DNAH11: variants seen among roughly 807,000 people sequenced by gnomAD.
DNAH11 encodes the protein dynein axonemal heavy chain 11.
DNAH11 carries 442 observed loss-of-function variants against 526.0 expected under a neutral mutation model. The ratio of observed to expected loss-of-function variants is 0.84; its 90% CI spans 0.78 to 0.91. DNAH11 has a LOEUF of 0.91. DNAH11 is among the 40% of genes least tolerant of loss of function. DNAH11 has a pLI of 0.00. For synonymous variants in DNAH11, 2,461 were observed against 1,935.9 expected (o/e 1.27, Z -7.12); for missense variants, 6,989 against 5,448.7 (o/e 1.28, Z -8.90).
intron 20 of DNAH11, among the ~76,000 whole-genome samples, chr7:21,607,673 C>A (rs1371084836): frequency 6.6e-6 from 1 of 151,864 alleles, no homozygotes; most frequent in Non-Finnish European, 1.5e-5. Context: ...TGGCTCACAC[C>A]TGTAACCCAG....
intron 9 of DNAH11, among the ~76,000 whole-genome samples, chr7:21,586,196 T>G (rs371191638): frequency 2.0e-5 from 3 of 152,248 alleles, no homozygotes; most frequent in African/African-American, 7.2e-5. Flanking sequence ...CAAGATGTGA[T>G]GTAGCTAGGA....
intron 61 of DNAH11, among the ~76,000 whole-genome samples, chr7:21,800,558 G>A (rs7790222): frequency 0.018 from 2,743 of 152,258 alleles, 68 homozygotes; most frequent in African/African-American, 0.057. Context: ...CTTGAACCTG[G>A]GGGACAGAGG....
At chr7:21,567,120 T>A (rs1783703990) in intron 6 of DNAH11, among the ~76,000 whole-genome samples, 1 of 152,194 alleles carries the variant, frequency 6.6e-6, no homozygotes, top group African/African-American at 2.4e-5. Flanking sequence ...AAAGGTTATA[T>A]CAATTACATT....
At chr7:21,559,817 T>C (rs1375605192) in intron 4 of DNAH11, 25 bp downstream of exon 4, 1 of 1,548,490 alleles carries the variant, frequency 6.5e-7, no homozygotes, top group South Asian at 1.2e-5. Flanking sequence ...CTAGAAATTA[T>C]AAATTAAATT....
At chr7:21,874,658 T>A (rs914812001) in intron 74 of DNAH11, among the ~76,000 whole-genome samples, 17 of 152,044 alleles carry the variant, frequency 1.1e-4, no homozygotes, top group African/African-American at 4.1e-4. Flanking sequence ...CATATATAAA[T>A]TAATACATAA....
At chr7:21,640,519 AATC>A (rs1185521770) in intron 28 of DNAH11, among the ~76,000 whole-genome samples, 1 of 143,914 alleles carries the variant, frequency 6.9e-6, no homozygotes, top group Non-Finnish European at 1.5e-5. Flanking sequence ...TTTTTCTTTT[AATC>A]ATATTATTTA....
Position 21,901,202 on chromosome 7 carries a change from A to C in DNAH11, c.13499A>C (p.Glu4500Ala), listed in dbSNP as rs767206447. Residue 4500 changes from glutamate to alanine, a missense_variant, in exon 82 of 82, where the codon GAG (glutamate) becomes GCG (alanine). Transcript: ENST00000409508. ...YIWTFRLKSE[E>A]KTAKWVLAGV... is the part of the protein sequence containing the mutation. The stretch of plus-strand genomic sequence containing the variant: ...TGGACCTTCAGGCTGAAGAGCGAAG[A>C]GAAGACTGCAAAATGGGTTCTGGCT... 1.9e-6 allele frequency: 3 copies of C among 1,613,724 alleles called. No individual in the cohort carries two copies. Among genetic ancestry groups the C allele is most frequent in the Admixed American group, 3.3e-5 (2 of 60,024 alleles).
rs887763100 is a variant in DNAH11 at position 21,646,454 on chromosome 7, G to A, written c.4944+7389G>A. On this transcript the variant is annotated intron_variant, in intron 28 of 81. Transcript: ENST00000409508. The stretch of plus-strand genomic sequence containing the variant: ...TTTTCTGTCCTGAGAGAGTTTCCAG[G>A]CCATAGCACATGAAGGGAAACCCAG... 9.9e-5 allele frequency among the ~76,000 whole-genome samples: 15 copies of A among 152,224 alleles called. No individual in the cohort carries two copies. The East Asian group carries it at 1.9e-3, about 20-fold the overall frequency.
intron 80 of DNAH11, 72 bp downstream of exon 80, chr7:21,899,520 C>T (rs1052738575): frequency 3.8e-5 from 46 of 1,210,886 alleles, no homozygotes; most frequent in Non-Finnish European, 5.2e-5. Context: ...GCTTTGTTTA[C>T]CTATGATGGC....
intron 18 of DNAH11, among the ~76,000 whole-genome samples, chr7:21,605,663 G>T (rs11976890): frequency 0.041 from 6,173 of 152,254 alleles, 421 homozygotes; most frequent in African/African-American, 0.14. Flanking sequence ...AGCCGAGGAT[G>T]AGATTGATTC....
intron 54 of DNAH11, among the ~76,000 whole-genome samples, chr7:21,763,817 T>TAC (rs1440760634): frequency 4.0e-4 from 54 of 134,404 alleles, no homozygotes; most frequent in African/African-American, 1.4e-3. Context: ...CATATACATA[T>TAC]ATATACATAT....
Position 21,711,710 on chromosome 7 carries a change from A to G in DNAH11, c.6835-2A>G. 2 of 1,613,314 alleles carry G rather than the reference A, an allele frequency of 1.2e-6. No homozygotes were observed. Among genetic ancestry groups the G allele is most frequent in the South Asian group, 1.1e-5 (1 of 91,020 alleles). ...TGGGTGACAGTGTGCTGCTCACTCC[A>G]GGTGCTGACCCTCGCCAGCAATGAG... On this transcript the variant is annotated splice_acceptor_variant, in intron 41 of 81. Coordinates refer to ENST00000409508, the MANE Select transcript of DNAH11 (RefSeq NM_001277115.2). LOFTEE classifies it high-confidence loss of function.
chr7:21,775,539 G>C (rs1488671434), intron 56 of DNAH11, among the ~76,000 whole-genome samples: 2 of 151,574 alleles, frequency 1.3e-5, no homozygotes, highest in African/African-American at 4.8e-5. Context: ...GATCCCTTGA[G>C]CCCAAGAGTT....
chr7:21,606,627 T>TC lies in DNAH11; in HGVS notation c.3766-20_3766-19insC, dbSNP rs1387490107. ...TGTTTGAAATTCACTTTTTTTTTTT[T>TC]TTTTTTTTGCAATGATCAGGCAAAG... On this transcript the variant is annotated intron_variant, in intron 19 of 81. Coordinates refer to ENST00000409508, the MANE Select transcript of DNAH11 (RefSeq NM_001277115.2). 2.6e-6 allele frequency: 4 copies of TC among 1,510,958 alleles called. No individual in the cohort carries two copies. Among genetic ancestry groups the TC allele is most frequent in the Non-Finnish European group, 2.6e-6 (3 of 1,137,034 alleles). The allele number at this position is 1,510,958 out of a possible 1,614,324, so 93.6% of individuals were successfully genotyped here.
At chr7:21,582,516 A>G (rs1432150955) in intron 9 of DNAH11, among the ~76,000 whole-genome samples, 2 of 152,218 alleles carry the variant, frequency 1.3e-5, no homozygotes, top group African/African-American at 4.8e-5. Context: ...AATGCTGCCA[A>G]ATAATTATGA....
At chr7:21,589,075 A>ATT (rs1784580769) in intron 11 of DNAH11, 133 bp from the exon 12 acceptor site, 3 of 619,284 alleles carry the variant, frequency 4.8e-6, no homozygotes, top group Non-Finnish European at 7.5e-6. Context: ...TACGCACATA[A>ATT]TTTGGTCTTG....
intron 65 of DNAH11, among the ~76,000 whole-genome samples, chr7:21,820,015 G>A (rs1789987181): frequency 6.6e-6 from 1 of 152,112 alleles, no homozygotes; most frequent in Admixed American, 6.6e-5. Flanking sequence ...CTTAATCCTG[G>A]CTCCTAAACC....
intron 20 of DNAH11, among the ~76,000 whole-genome samples, chr7:21,610,001 T>C (rs1785451938): frequency 6.6e-6 from 1 of 152,104 alleles, no homozygotes; most frequent in South Asian, 2.1e-4. Context: ...ACGCCTGTAA[T>C]CCCAGCACTT....
intron 14 of DNAH11, among the ~76,000 whole-genome samples, chr7:21,595,160 G>A (rs1160844682): frequency 1.3e-5 from 2 of 152,190 alleles, no homozygotes; most frequent in Non-Finnish European, 2.9e-5. Context: ...TTCTGGCAAG[G>A]CCCCTCTTCT....
Sources: gnomAD v4.1 joint callset for allele counts (sites outside exome capture counted in the v4.1 genomes callset) on GRCh38, gnomAD v4.1.1 for gene constraint, MANE v1.5 for transcripts, NCBI Gene and HGNC (gene_info 2026-07-23, HGNC 2026-07-21) for gene names.